Variants in GOLGA5 observed in about 807,000 individuals in gnomAD.
GOLGA5 encodes the protein golgin A5, also known as golgin subfamily A member 5.
A neutral mutation model predicts 93.5 loss-of-function variants in GOLGA5; 50 were observed. That is an observed-to-expected ratio of 0.53 (90% CI 0.43 to 0.68). The LOEUF (loss-of-function observed/expected upper bound fraction) is 0.68. Ranked by LOEUF, GOLGA5 falls within the 30% of genes least tolerant of loss-of-function variation. The pLI is 0.00. For missense variants in GOLGA5, 760 were observed against 856.4 expected, an observed-to-expected ratio of 0.89 and a Z score of 1.40; for synonymous variants, 312 against 304.5, an observed-to-expected ratio of 1.02 and a Z score of -0.26.
At chr14:92,803,286 T>C (rs1490031678) in intron 2 of GOLGA5, among the ~76,000 whole-genome samples, 1 of 152,224 alleles carries the variant, frequency 6.6e-6, no homozygotes, top group Non-Finnish European at 1.5e-5. Context: ...TCCTCCTGTG[T>C]TGGCCTCCCA....
intron 12 of GOLGA5, among the ~76,000 whole-genome samples, chr14:92,837,877 G>T (rs193300863): frequency 1.3e-4 from 20 of 152,252 alleles, no homozygotes; most frequent in African/African-American, 4.8e-4. Context: ...AGACAGTTTG[G>T]AAAGAGAGAA....
chr14:92,808,841 T>C (rs908312965), intron 3 of GOLGA5, among the ~76,000 whole-genome samples: 1 of 152,178 alleles, frequency 6.6e-6, no homozygotes, highest in Non-Finnish European at 1.5e-5. Context: ...ACTTTGCTCT[T>C]TTTGCATTGA....
intron 2 of GOLGA5, among the ~76,000 whole-genome samples, chr14:92,799,645 C>T (rs7158208): frequency 0.74 from 111,210 of 150,922 alleles, 41,370 homozygotes; most frequent in East Asian, 0.85. Context: ...CTCGCTTTGT[C>T]GCCCAGGCTG....
chr14:92,839,945 GCATTTTTCTTTT>G (rs1885725387), exon 13 of GOLGA5: 1 of 166,380 alleles, frequency 6.0e-6, no homozygotes, highest in Non-Finnish European at 1.3e-5. Context: ...AGAAAAATAT[GCATTTTTCTTTT>G]CTAAAATAAT....
chr14:92,831,272 T>A (rs1365257210), intron 9 of GOLGA5, among the ~76,000 whole-genome samples: 1 of 152,222 alleles, frequency 6.6e-6, no homozygotes, highest in African/African-American at 2.4e-5. Flanking sequence ...TAAATGAAGA[T>A]GTATGACCAC....
Position 92,794,384 on chromosome 14 carries a change from C to T in GOLGA5, c.-103C>T, listed in dbSNP as rs1472661417. The T allele has an allele frequency of 6.6e-6, 1 of 152,318 alleles. No individual in the cohort carries two copies. Among genetic ancestry groups the T allele is most frequent in the Non-Finnish European group, 1.5e-5 (1 of 68,110 alleles). The allele number at this position is 152,318 out of a possible 1,614,324, so 9.4% of individuals were successfully genotyped here. A position where few individuals can be genotyped will look rare whatever the true frequency, so the allele number is the denominator to read the frequency against. On this transcript the variant is annotated 5_prime_UTR_variant, in exon 1 of 13. Coordinates refer to ENST00000163416, the MANE Select transcript of GOLGA5 (RefSeq NM_005113.4). ...GAGGTTTACTCAGCTTGGGCCCCCTCCGGGCCAGCCGCCGAGGGGGCGCGG... is the reference window on the plus strand; with the variant it reads ...GAGGTTTACTCAGCTTGGGCCCCCTTCGGGCCAGCCGCCGAGGGGGCGCGG...
chr14:92,800,028 TGTATA>T (rs1318925434), intron 2 of GOLGA5, among the ~76,000 whole-genome samples: 3 of 152,208 alleles, frequency 2.0e-5, no homozygotes, highest in Admixed American at 2.0e-4. Flanking sequence ...GACAAAAACT[TGTATA>T]GAAGAAGACG....
Position 92,835,672 on chromosome 14 carries a change from A to T in GOLGA5, c.2051+8A>T. 6.5e-7 allele frequency: 1 copy of T among 1,539,070 alleles called. No individual in the cohort carries two copies. Among genetic ancestry groups the T allele is most frequent in the Non-Finnish European group, 9.0e-7 (1 of 1,111,942 alleles). On this transcript the variant is annotated splice_region_variant and intron_variant, in intron 11 of 12. Transcript: ENST00000163416. ...TTCAATTGATCAGTTTAGGTAAGCA[A>T]TGCCAGTAGGGATGAGTGATGGACC...
At position 92,811,665 on chromosome 14, in the gene GOLGA5, C is replaced by T; in HGVS notation, c.1231C>T (p.Gln411Ter). Residue 411 changes from glutamine to a stop codon, truncating the protein, a stop_gained, in exon 6 of 13, where the codon CAG becomes TAG. Transcript: ENST00000163416. LOFTEE classifies it high-confidence loss of function. ...TGAGAAGAAGAGGGTTGATGAACTG[C>T]AGCAGCAAGTCAAGCTGTATAAGTT... ...SDEKKRVDEL[Q>*]QQVKLYKLNL... The T allele has an allele frequency of 6.2e-7, 1 of 1,611,924 alleles. No individual in the cohort carries two copies. The highest frequency in any genetic ancestry group is 2.2e-5 in the East Asian group (1 of 44,846).
At chr14:92,808,568 C>T (rs1197729279) in intron 3 of GOLGA5, among the ~76,000 whole-genome samples, 1 of 151,910 alleles carries the variant, frequency 6.6e-6, no homozygotes, top group Non-Finnish European at 1.5e-5. Context: ...ATTGCTTGAG[C>T]CCAGGAGTTG....
At position 92,839,350 on chromosome 14, in the gene GOLGA5, C is replaced by G. The variant is rs1595608236; in HGVS notation, c.2116-16C>G. 1.9e-6 allele frequency: 3 copies of G among 1,597,894 alleles called. No individual in the cohort carries two copies. The highest frequency in any genetic ancestry group is 2.6e-6 in the Non-Finnish European group (3 of 1,165,554). On this transcript the variant is annotated splice_polypyrimidine_tract_variant and intron_variant, in intron 12 of 12. Coordinates refer to ENST00000163416, the MANE Select transcript of GOLGA5 (RefSeq NM_005113.4). ...GGTTTATTGGCTAATCCACAAATTG[C>G]TTTTTCTTTCTCTAGGCTTTGCTTC... is the stretch of plus-strand genomic sequence containing the variant.
chr14:92,821,302 TAC>T (rs1885312646), intron 8 of GOLGA5, among the ~76,000 whole-genome samples: 1 of 152,200 alleles, frequency 6.6e-6, no homozygotes, highest in African/African-American at 2.4e-5. Flanking sequence ...AAAAGTCTTA[TAC>T]AGACTCTTCT....
chr14:92,797,243 A>G (rs1204662264), intron 1 of GOLGA5, among the ~76,000 whole-genome samples, 165 bp from the exon 2 acceptor site: 1 of 152,098 alleles, frequency 6.6e-6, no homozygotes, highest in Non-Finnish European at 1.5e-5. Flanking sequence ...CATTTTCTAG[A>G]TAAGATTTCT....
intron 6 of GOLGA5, among the ~76,000 whole-genome samples, chr14:92,815,699 C>CTTTTT (rs571410551): frequency 2.2e-5 from 2 of 91,260 alleles, no homozygotes; most frequent in African/African-American, 4.6e-5. Context: ...TTTTTTTAAT[C>CTTTTT]TTTTTTTTTT....
At chr14:92,802,492 A>G (rs148275028) in intron 2 of GOLGA5, among the ~76,000 whole-genome samples, 484 of 151,996 alleles carry the variant, frequency 3.2e-3, no homozygotes, top group Middle Eastern at 0.014. Flanking sequence ...CCTTTTCTTC[A>G]TTGGCTAGGA....
At chr14:92,811,810 A>G (rs1859472234) in intron 6 of GOLGA5, 56 bp downstream of exon 6, 1 of 1,225,288 alleles carries the variant, frequency 8.2e-7, no homozygotes, top group Non-Finnish European at 1.2e-6. Flanking sequence ...ACTGAAAGGC[A>G]ATTTGAGACT....
At chr14:92,798,114 T>C (rs1161011131) in intron 2 of GOLGA5, 133 bp downstream of exon 2, 5 of 666,144 alleles carry the variant, frequency 7.5e-6, no homozygotes, top group East Asian at 2.6e-5. Flanking sequence ...TCTGCAAATG[T>C]GTGGTGTAAA....
intron 11 of GOLGA5, among the ~76,000 whole-genome samples, chr14:92,837,107 T>A (rs938683780): frequency 6.6e-6 from 1 of 152,038 alleles, no homozygotes; most frequent in Non-Finnish European, 1.5e-5. Context: ...GTTTGCCTCC[T>A]ACAGTTGTGG....
intron 6 of GOLGA5, among the ~76,000 whole-genome samples, chr14:92,814,821 T>A (rs1002191244): frequency 1.2e-4 from 19 of 152,176 alleles, no homozygotes; most frequent in Non-Finnish European, 2.6e-4. Flanking sequence ...TTCTTCAAAC[T>A]CATCTTTTAT....
Sources: allele counts gnomAD v4.1 joint callset (sites outside exome capture counted in the v4.1 genomes callset), GRCh38; gene constraint gnomAD v4.1.1; transcripts MANE v1.5; gene names NCBI Gene and HGNC (gene_info 2026-07-23, HGNC 2026-07-21).